NFATC1: variants seen among roughly 807,000 people sequenced by gnomAD.
NFATC1 encodes the protein nuclear factor of activated T-cells, cytoplasmic 1.
In NFATC1, 22 loss-of-function variants were observed where a neutral mutation model predicts 76.0. The observed-to-expected ratio is 0.29, with a 90% confidence interval of 0.21 to 0.41. NFATC1 has a LOEUF of 0.41. NFATC1 is among the 10% of genes least tolerant of loss of function. The pLI is 1.00. For synonymous variants in NFATC1, 704 were observed against 613.1 expected, an observed-to-expected ratio of 1.15 and a Z score of -2.19; for missense variants, 1,357 against 1,337.7, an observed-to-expected ratio of 1.01 and a Z score of -0.23.
chr18:79,465,481 C>T lies in NFATC1; in HGVS notation c.1960-1969C>T, dbSNP rs953885091. Among the ~76,000 whole-genome samples, 18 of 151,716 alleles carry T rather than the reference C, an allele frequency of 1.2e-4. No individual in the cohort carries two copies. The highest frequency in any genetic ancestry group is 5.9e-5 in the Non-Finnish European group (4 of 67,882). On this transcript the variant is annotated intron_variant, in intron 7 of 9. Transcript: ENST00000427363. This position sits in a 1 kb window ranked among gnomAD's most constrained non-coding sequence, Gnocchi z 4.2. ...CAGCCAGCCTGGCCCACGGAATCTC[C>T]GCCTCTGCCCAGCCAGCCTGGCCCA...
chr18:79,433,838 C>T, intron 3 of NFATC1, 100 bp downstream of exon 3: 1 of 1,424,492 alleles, frequency 7.0e-7, no homozygotes, highest in Non-Finnish European at 9.4e-7. Flanking sequence ...CCCAGCCAGG[C>T]CAGCTGAATG....
rs369561820 is a variant in NFATC1, at chr18:79,467,504, G to A, written c.2014G>A (p.Val672Ile). ...TCGGAATCAGAGGATAACCAGCCCC[G>A]TTCACGTCAGTTTCTACGTCTGCAA... ...PFRNQRITSPVHVSFYVCNGK... is the reference protein window; with the variant it reads ...PFRNQRITSPIHVSFYVCNGK... The change falls in exon 8 of 10, where the codon GTT becomes ATT. Residue 672 changes from valine (V) to isoleucine (I), a missense_variant. By Grantham distance (29) the Val-to-Ile change is conservative. Around this residue, in one of 3 missense-constraint regions of NFATC1, gnomAD observed 424 missense variants for 395.4 expected, o/e 1.07. Coordinates refer to ENST00000427363, the MANE Select transcript of NFATC1 (RefSeq NM_001278669.2). The A allele has an allele frequency of 4.2e-5, 68 of 1,613,324 alleles. No individual in the cohort carries two copies. Among genetic ancestry groups the A allele is most frequent in the Non-Finnish European group, 5.2e-5 (61 of 1,179,632 alleles).
intron 7 of NFATC1, among the ~76,000 whole-genome samples, chr18:79,463,805 C>T (rs2088279481): frequency 6.6e-6 from 1 of 152,234 alleles, no homozygotes; most frequent in African/African-American, 2.4e-5. Context: ...CAGGCTTCGC[C>T]AGCCCCGCAC....
In NFATC1 at chr18:79,410,383, C is replaced by A; in HGVS notation, c.128-20C>A. The stretch of plus-strand genomic sequence containing the variant: ...GATGCCCAGCCCCTCATGCTCCCAT[C>A]TGCTTCTTTTTCTCTCTAGAACACT... On this transcript the variant is annotated intron_variant, in intron 1 of 9. Coordinates refer to ENST00000427363, the MANE Select transcript of NFATC1 (RefSeq NM_001278669.2). The surrounding 1 kb of genome is among the most constrained non-coding windows in gnomAD (Gnocchi z 6.7). 1 of 1,585,468 alleles carries A rather than the reference C, an allele frequency of 6.3e-7. No individual in the cohort carries two copies. Among genetic ancestry groups the A allele is most frequent in the Non-Finnish European group, 8.6e-7 (1 of 1,166,080 alleles).
chr18:79,451,406 G>T (rs148385224), intron 5 of NFATC1, among the ~76,000 whole-genome samples: 1 of 152,258 alleles, frequency 6.6e-6, no homozygotes, highest in Non-Finnish European at 1.5e-5. Flanking sequence ...TGACCTTTGC[G>T]TATTTGTGCG....
chr18:79,408,689 T>A (rs544544004), intron 1 of NFATC1, among the ~76,000 whole-genome samples: 2 of 152,240 alleles, frequency 1.3e-5, no homozygotes, highest in Non-Finnish European at 2.9e-5. Flanking sequence ...TGTTTACATA[T>A]GTAGGTCCTT....
chr18:79,476,666 C>A (rs1280052186), intron 8 of NFATC1, among the ~76,000 whole-genome samples: 2 of 152,120 alleles, frequency 1.3e-5, no homozygotes, highest in Non-Finnish European at 2.9e-5. Context: ...CGTGATAAAC[C>A]TGAGGGAAAG....
intron 8 of NFATC1, chr18:79,469,373 T>C (rs934776554): frequency 4.1e-6 from 4 of 985,290 alleles, no homozygotes; most frequent in Non-Finnish European, 3.6e-6. Flanking sequence ...TTAGCACAGA[T>C]CACGTATCTC....
At chr18:79,407,668 C>T (rs1467588716) in intron 1 of NFATC1, among the ~76,000 whole-genome samples, 9 of 152,222 alleles carry the variant, frequency 5.9e-5, no homozygotes, top group Admixed American at 5.9e-4. Flanking sequence ...TGGTCTTGAA[C>T]TTCTGACCTC....
chr18:79,525,014 TTACTACCCCTCAGG>T (rs2090720684), intron 9 of NFATC1, among the ~76,000 whole-genome samples: 1 of 151,288 alleles, frequency 6.6e-6, no homozygotes, highest in Non-Finnish European at 1.5e-5. Context: ...CATCCCATCA[TTACTACCCCTCAGG>T]CCTCCCCACG....
intron 9 of NFATC1, among the ~76,000 whole-genome samples, chr18:79,506,390 C>T (rs750391441): frequency 6.6e-6 from 1 of 152,212 alleles, no homozygotes; most frequent in Non-Finnish European, 1.5e-5. Context: ...GGTGACCAGG[C>T]CTCTCCCAGG....
intron 1 of NFATC1, among the ~76,000 whole-genome samples, chr18:79,409,438 TATCC>T (rs2085578460): frequency 6.6e-6 from 1 of 151,874 alleles, no homozygotes; most frequent in African/African-American, 2.4e-5. Flanking sequence ...TCCATTTATC[TATCC>T]ATCCATTCAT....
intron 7 of NFATC1, among the ~76,000 whole-genome samples, chr18:79,464,702 A>ATATATATT (rs1425452711): frequency 1.4e-5 from 1 of 69,318 alleles, no homozygotes; most frequent in Admixed American, 1.3e-4. Flanking sequence ...ATATTTATTT[A>ATATATATT]TTTATTTATT....
intron 3 of NFATC1, among the ~76,000 whole-genome samples, chr18:79,442,560 G>A (rs938103706): frequency 3.9e-5 from 6 of 152,366 alleles, no homozygotes; most frequent in East Asian, 3.9e-4. Context: ...CCTTGGAGCC[G>A]GGGTCCGGGA....
chr18:79,483,414 G>GGGTGTCATTCCGGCATGACCTGGTCCTGA (rs2089377111), intron 8 of NFATC1, among the ~76,000 whole-genome samples: 4 of 135,888 alleles, frequency 2.9e-5, no homozygotes, highest in South Asian at 2.3e-4. Flanking sequence ...CTGGTTCGTG[G>GGGTGTCATTCCGGCATGACCTGGTCCTGA]GGTGTCATTC....
chr18:79,492,514 CCTGA>C (rs1008673208), intron 9 of NFATC1, among the ~76,000 whole-genome samples: 16 of 151,848 alleles, frequency 1.1e-4, no homozygotes, highest in Non-Finnish European at 2.4e-4. Context: ...TCGAAACCAT[CCTGA>C]CTAACATGGT....
chr18:79,448,340 G>A (rs956757407), intron 3 of NFATC1: 11 of 190,810 alleles, frequency 5.8e-5, no homozygotes, highest in African/African-American at 1.4e-4. Context: ...GCAGTGTGGC[G>A]TCCCCTGATC....
At chr18:79,475,653 G>A (rs2089037627) in intron 8 of NFATC1, among the ~76,000 whole-genome samples, 2 of 152,250 alleles carry the variant, frequency 1.3e-5, no homozygotes, top group African/African-American at 4.8e-5. Flanking sequence ...TGTCAACGTT[G>A]TAAACCTGAG....
Position 79,429,039 on chromosome 18 carries a change from G to A in NFATC1, c.1227-4540G>A, listed in dbSNP as rs555073374. On this transcript the variant is annotated intron_variant, in intron 2 of 9. Transcript: ENST00000427363. The stretch of plus-strand genomic sequence containing the variant: ...AGTTCGAGACCAGCCTGGCCAACAT[G>A]GTGAAACTGTGTCTCTACTAAAAAT... Among the ~76,000 whole-genome samples, 208 of 152,240 alleles carry A rather than the reference G, an allele frequency of 1.4e-3. 1 individual carries two copies. Among genetic ancestry groups the A allele is most frequent in the African/African-American group, 4.7e-3 (194 of 41,538 alleles).
Sources: allele counts gnomAD v4.1 joint callset (sites outside exome capture counted in the v4.1 genomes callset), GRCh38; gene constraint gnomAD v4.1.1; regional missense constraint gnomAD v4.1.1; non-coding constraint Gnocchi (gnomAD v3.1); transcripts MANE v1.5; gene names NCBI Gene and HGNC (gene_info 2026-07-23, HGNC 2026-07-21).